The following ABTB3 variants were observed in gnomAD, a reference collection of about 807,000 sequenced individuals.
The protein encoded by ABTB3 is ankyrin repeat- and BTB/POZ domain-containing protein 3.
the ABTB3 span, among the ~76,000 whole-genome samples, chr12:107,438,652 T>A: frequency 6.6e-6 from 1 of 152,182 alleles, no homozygotes; most frequent in African/African-American, 2.4e-5. Context: ...CTTCTCCCTT[T>A]CTCTTCTTAA....
chr12:107,356,533 C>A, the ABTB3 span, among the ~76,000 whole-genome samples: 19 of 152,122 alleles, frequency 1.2e-4, no homozygotes, highest in Admixed American at 9.2e-4. Context: ...GTGTTTCAAG[C>A]TCTTGGTTTA....
At chr12:107,484,742 C>T in the ABTB3 span, among the ~76,000 whole-genome samples, 3 of 152,102 alleles carry the variant, frequency 2.0e-5, no homozygotes, top group East Asian at 3.9e-4. Flanking sequence ...ATGAAGTTGT[C>T]AGGACCAGGT....
At chr12:107,421,577 G>A in the ABTB3 span, among the ~76,000 whole-genome samples, 2 of 152,226 alleles carry the variant, frequency 1.3e-5, no homozygotes, top group Non-Finnish European at 1.5e-5. Context: ...AGGAAATCAT[G>A]CATTTCTAGG....
At chr12:107,617,337 G>C in the ABTB3 span, 5 of 1,614,136 alleles carry the variant, frequency 3.1e-6, no homozygotes. Context: ...TTGGAGCGTG[G>C]TGCCGATCCC....
At chr12:107,369,715 T>TG in the ABTB3 span, among the ~76,000 whole-genome samples, 1 of 146,158 alleles carries the variant, frequency 6.8e-6, no homozygotes, top group African/African-American at 2.6e-5. Context: ...TGGTTTTTTT[T>TG]TTTTTTTTTT....
chr12:107,331,594 C>T, the ABTB3 span, among the ~76,000 whole-genome samples: 1 of 152,102 alleles, frequency 6.6e-6, no homozygotes, highest in African/African-American at 2.4e-5. Flanking sequence ...GTGACACAAG[C>T]GGTGGGGAAG....
the ABTB3 span, among the ~76,000 whole-genome samples, chr12:107,376,767 A>G: frequency 1.3e-5 from 2 of 151,812 alleles, no homozygotes; most frequent in Non-Finnish European, 2.9e-5. Flanking sequence ...GCTGCCTTTT[A>G]TTGAGTGATT....
the ABTB3 span, among the ~76,000 whole-genome samples, chr12:107,465,265 C>T: frequency 1.3e-5 from 2 of 152,132 alleles, no homozygotes; most frequent in African/African-American, 2.4e-5. Flanking sequence ...AACAACACAG[C>T]GAGGAAGGCA....
chr12:107,452,887 A>G, the ABTB3 span, among the ~76,000 whole-genome samples: 1 of 152,182 alleles, frequency 6.6e-6, no homozygotes, highest in Admixed American at 6.5e-5. Context: ...TTAGAAAACC[A>G]CATCACTAAA....
the ABTB3 span, chr12:107,640,294 T>C: frequency 2.8e-5 from 41 of 1,439,650 alleles, no homozygotes; most frequent in African/African-American, 5.2e-4. Flanking sequence ...TACCTTTTTT[T>C]CCCTTTCCTA....
At chr12:107,399,632 C>T in the ABTB3 span, among the ~76,000 whole-genome samples, 1 of 152,192 alleles carries the variant, frequency 6.6e-6, no homozygotes, top group Non-Finnish European at 1.5e-5. Context: ...AGCTACGATT[C>T]TGTGTCCAGC....
the ABTB3 span, among the ~76,000 whole-genome samples, chr12:107,323,429 C>CT: frequency 6.6e-6 from 1 of 152,168 alleles, no homozygotes; most frequent in Non-Finnish European, 1.5e-5. Context: ...CAAAAGAAGG[C>CT]TTAGGGGCTC....
chr12:107,410,669 T>C, the ABTB3 span, among the ~76,000 whole-genome samples: 3 of 151,880 alleles, frequency 2.0e-5, no homozygotes, highest in Non-Finnish European at 4.4e-5. Flanking sequence ...CAATAAGACA[T>C]AGTGAAGGAC....
chr12:107,630,008 G>T, the ABTB3 span, among the ~76,000 whole-genome samples: 1 of 152,156 alleles, frequency 6.6e-6, no homozygotes, highest in Non-Finnish European at 1.5e-5. Context: ...TGGGTCCCAG[G>T]TAACCAGGAC....
the ABTB3 span, among the ~76,000 whole-genome samples, chr12:107,559,390 A>T: frequency 6.6e-6 from 1 of 152,228 alleles, no homozygotes; most frequent in South Asian, 2.1e-4. Context: ...AAAAAACAAC[A>T]TTAGCGAATA....
chr12:107,618,614 C>T, the ABTB3 span, among the ~76,000 whole-genome samples: 1 of 152,236 alleles, frequency 6.6e-6, no homozygotes, highest in African/African-American at 2.4e-5. Context: ...CCCAAAGACC[C>T]ATCCTCAGAC....
the ABTB3 span, among the ~76,000 whole-genome samples, chr12:107,416,508 A>G: frequency 1.3e-5 from 2 of 151,848 alleles, no homozygotes; most frequent in South Asian, 4.2e-4. Flanking sequence ...TTGGATGCCT[A>G]GTTAGGTATG....
the ABTB3 span, among the ~76,000 whole-genome samples, chr12:107,516,511 C>T: frequency 6.6e-6 from 1 of 152,150 alleles, no homozygotes; most frequent in African/African-American, 2.4e-5. Context: ...GGATTACAGG[C>T]GTGAGACACC....
chr12:107,379,142 G>A, the ABTB3 span, among the ~76,000 whole-genome samples: 1 of 152,178 alleles, frequency 6.6e-6, no homozygotes, highest in Admixed American at 6.5e-5. Context: ...AACTCCCATA[G>A]GGTTGGTGGA....
Sources: gnomAD v4.1 joint callset for allele counts (sites outside exome capture counted in the v4.1 genomes callset) on GRCh38, gnomAD v4.1.1 for gene constraint, MANE v1.5 for transcripts, NCBI Gene and HGNC (gene_info 2026-07-23, HGNC 2026-07-21) for gene names.